Variants in DCC observed in about 807,000 individuals in gnomAD.
DCC encodes the protein DCC netrin 1 receptor.
In DCC, 58 loss-of-function variants were observed where a neutral mutation model predicts 172.5. That is an observed-to-expected ratio of 0.34 (90% CI 0.27 to 0.42). DCC has a LOEUF of 0.42. Ranked by LOEUF, DCC falls within the 10% of genes least tolerant of loss-of-function variation. DCC has a pLI of 1.00. For missense variants in DCC, 1,740 were observed against 1,791.0 expected (o/e 0.97, Z 0.51); for synonymous variants, 709 against 644.5 (o/e 1.10, Z -1.52).
chr18:53,386,188 T>A, intron 16 of DCC, 50 bp downstream of exon 16: 1 of 1,241,926 alleles, frequency 8.1e-7, no homozygotes, highest in Non-Finnish European at 1.2e-6. Context: ...TGATTTATGG[T>A]GAAAAAAGAA....
chr18:52,543,225 A>C (rs917371537), intron 1 of DCC, among the ~76,000 whole-genome samples: 7 of 152,228 alleles, frequency 4.6e-5, no homozygotes, highest in African/African-American at 1.7e-4. Context: ...AAGTAGAAGA[A>C]ATAGATTATT....
intron 13 of DCC, among the ~76,000 whole-genome samples, chr18:53,319,514 G>T (rs1414330950): frequency 6.6e-6 from 1 of 152,164 alleles, no homozygotes; most frequent in South Asian, 2.1e-4. Flanking sequence ...GATCTAAATT[G>T]CTTTCTAATG....
At chr18:52,972,404 A>T (rs1298869534) in intron 5 of DCC, among the ~76,000 whole-genome samples, 1 of 152,156 alleles carries the variant, frequency 6.6e-6, no homozygotes, top group East Asian at 1.9e-4. Context: ...TTAGAATAAT[A>T]TGGGCAGATA....
At chr18:52,939,822 C>T (rs1428687224) in intron 5 of DCC, among the ~76,000 whole-genome samples, 2 of 151,948 alleles carry the variant, frequency 1.3e-5, no homozygotes, top group African/African-American at 2.4e-5. Flanking sequence ...AATAGGGGGC[C>T]CTTGGGTGCA....
rs565736618 is a variant in DCC, at chr18:53,276,955, A to T, written c.1912-28623A>T. On this transcript the variant is annotated intron_variant, in intron 12 of 28. Transcript: ENST00000442544. ...GGGAAATAATTTAAAAATAGTCACC[A>T]AGAGAGGGCATCCTAAAACAAAACC... Among the ~76,000 whole-genome samples, 9 of 152,238 alleles carry T rather than the reference A, an allele frequency of 5.9e-5. No homozygotes were observed. In the South Asian group the frequency reaches 1.9e-3, roughly 32 times the overall value.
At chr18:52,490,868 C>T (rs184648217) in intron 1 of DCC, among the ~76,000 whole-genome samples, 1 of 152,046 alleles carries the variant, frequency 6.6e-6, no homozygotes, top group South Asian at 2.1e-4. Context: ...TAAAGTGAAA[C>T]AAGAGTCTGT....
chr18:52,378,348 G>T (rs956973880), intron 1 of DCC, among the ~76,000 whole-genome samples: 1 of 151,812 alleles, frequency 6.6e-6, no homozygotes, highest in Non-Finnish European at 1.5e-5. Flanking sequence ...GAGAAGATTT[G>T]GGAAAATGAC....
intron 1 of DCC, among the ~76,000 whole-genome samples, chr18:52,386,526 G>T (rs1985806613): frequency 6.6e-6 from 1 of 151,910 alleles, no homozygotes; most frequent in Non-Finnish European, 1.5e-5. Context: ...AGCATAATGA[G>T]TTTTGAAAGA....
At position 53,092,394 on chromosome 18, in the gene DCC, A is replaced by C. The variant is rs189318537; in HGVS notation, c.1261+26228A>C. On this transcript the variant is annotated intron_variant, in intron 7 of 28. Transcript: ENST00000442544. ...GTCACTCTCTCCTGCAGAGATAATA[A>C]TGCATAATAAATTAATAGAGGAATC... 1.2e-4 allele frequency among the ~76,000 whole-genome samples: 19 copies of C among 152,302 alleles called. No individual in the cohort carries two copies. The East Asian group carries it at 3.5e-3, about 28-fold the overall frequency.
intron 23 of DCC, 128 bp downstream of exon 23, chr18:53,450,790 T>C (rs2045401756): frequency 2.5e-6 from 2 of 814,010 alleles, no homozygotes; most frequent in Non-Finnish European, 4.1e-6. Flanking sequence ...GGCAAAACCT[T>C]GCGTTTTGTC....
chr18:52,870,107 C>T (rs2039295389), intron 2 of DCC, among the ~76,000 whole-genome samples: 1 of 152,172 alleles, frequency 6.6e-6, no homozygotes, highest in East Asian at 1.9e-4. Flanking sequence ...GGGCAGCAGG[C>T]TCTCGGGGGT....
At chr18:52,907,204 A>G (rs911829893) in intron 3 of DCC, among the ~76,000 whole-genome samples, 2 of 147,640 alleles carry the variant, frequency 1.4e-5, no homozygotes, top group Non-Finnish European at 3.0e-5. Flanking sequence ...TATATACCCT[A>G]TATACATGAT....
chr18:52,490,954 C>A (rs1444082049), intron 1 of DCC, among the ~76,000 whole-genome samples: 2 of 152,054 alleles, frequency 1.3e-5, no homozygotes, highest in Non-Finnish European at 2.9e-5. Context: ...TCAATTTCTT[C>A]TTTGACACAG....
chr18:52,743,892 A>T (rs983761820), intron 1 of DCC, among the ~76,000 whole-genome samples: 12 of 152,214 alleles, frequency 7.9e-5, no homozygotes, highest in Admixed American at 7.9e-4. Flanking sequence ...TGCTGAGAAT[A>T]TTTGGTGGTG....
At chr18:52,358,180 T>G (rs1421860006) in intron 1 of DCC, among the ~76,000 whole-genome samples, 1 of 152,154 alleles carries the variant, frequency 6.6e-6, no homozygotes, top group African/African-American at 2.4e-5. Flanking sequence ...ATGATCTAAG[T>G]CTTCAAAAAT....
chr18:52,848,426 A>T (rs1018378235), intron 2 of DCC, among the ~76,000 whole-genome samples: 8 of 152,196 alleles, frequency 5.3e-5, no homozygotes, highest in South Asian at 4.1e-4. Context: ...CTCATCACCA[A>T]ATTAATTTAT....
chr18:52,892,389 T>G (rs2039664148), intron 2 of DCC: 1 of 152,080 alleles, frequency 6.6e-6, no homozygotes, highest in Non-Finnish European at 1.5e-5. Context: ...GTGTGTCCTT[T>G]CCCCATCTTT....
At chr18:52,984,968 C>A (rs1013571723) in intron 5 of DCC, among the ~76,000 whole-genome samples, 1 of 152,020 alleles carries the variant, frequency 6.6e-6, no homozygotes, top group Non-Finnish European at 1.5e-5. Flanking sequence ...CATGCCTTTA[C>A]CTTATCACTA....
intron 15 of DCC, among the ~76,000 whole-genome samples, chr18:53,370,911 C>T (rs923646644): frequency 1.3e-5 from 2 of 151,162 alleles, no homozygotes; most frequent in African/African-American, 4.9e-5. Flanking sequence ...CATGCTTAAC[C>T]AACAAAAAAA....
Sources: allele counts gnomAD v4.1 joint callset (sites outside exome capture counted in the v4.1 genomes callset), GRCh38; gene constraint gnomAD v4.1.1; transcripts MANE v1.5; gene names NCBI Gene and HGNC (gene_info 2026-07-23, HGNC 2026-07-21).